Variants in ILDR1 observed in about 807,000 individuals in gnomAD.
ILDR1 encodes immunoglobulin-like domain-containing receptor 1.
Under a neutral mutation model 62.4 loss-of-function variants are expected in ILDR1, and 56 were observed. The observed-to-expected ratio is 0.90, with a 90% CI of 0.72 to 1.12. ILDR1 has a LOEUF of 1.12. Ranked by LOEUF, ILDR1 falls within the 50% of genes most tolerant of loss-of-function variation. ILDR1 has a pLI of 0.00. For missense variants in ILDR1, 736 were observed against 710.6 expected, an observed-to-expected ratio of 1.04 and a Z score of -0.41; for synonymous variants, 284 against 277.8, an observed-to-expected ratio of 1.02 and a Z score of -0.22.
the ILDR1 span, among the ~76,000 whole-genome samples, chr3:122,052,483 G>A: frequency 6.6e-6 from 1 of 152,190 alleles, no homozygotes; most frequent in African/African-American, 2.4e-5. Flanking sequence ...CAGGCATCTA[G>A]AGTATGGTGG....
At chr3:122,026,944 A>G (rs952992073), upstream of ILDR1, among the ~76,000 whole-genome samples, 8 of 152,220 alleles carry the variant, frequency 5.3e-5, no homozygotes, top group South Asian at 2.1e-4. Context: ...AGGACTAACA[A>G]GAGAGGTTGC....
chr3:122,025,019 A>G (rs554819690), upstream of ILDR1, among the ~76,000 whole-genome samples: 1 of 152,354 alleles, frequency 6.6e-6, no homozygotes, highest in East Asian at 1.9e-4. Flanking sequence ...CATTCGTCCA[A>G]TAAAGATTAG....
At chr3:122,014,684 G>T (rs1185099259) in intron 1 of ILDR1, among the ~76,000 whole-genome samples, 3 of 152,168 alleles carry the variant, frequency 2.0e-5, no homozygotes, top group African/African-American at 7.2e-5. Flanking sequence ...CTTCAGGAAA[G>T]AAATGTATAT....
intron 5 of ILDR1, among the ~76,000 whole-genome samples, chr3:121,999,491 A>G (rs1349859914): frequency 2.6e-5 from 4 of 152,212 alleles, no homozygotes; most frequent in African/African-American, 9.7e-5. Context: ...TTTTTAGGGC[A>G]TAATTCTGTT....
chr3:121,994,184 C>T lies in ILDR1; in HGVS notation c.776G>A (p.Arg259Gln), dbSNP rs1322210462. The change falls in exon 6 of 8, where the codon CGA (arginine) becomes CAA (glutamine). Residue 259 changes from arginine (R) to glutamine (Q), a missense_variant and splice_region_variant. Coordinates refer to ENST00000344209, the MANE Select transcript of ILDR1 (RefSeq NM_001199799.2). ...CCCAAATCTCTGGAAGAGTTTACCT[C>T]GCTGCAGCAGCGGGTGCATTGGATA... The part of the protein sequence containing the change: ...SSYPMHPLLQ[R>Q]DLSLPSSLPQ... 10 of 1,535,988 alleles carry T rather than the reference C, an allele frequency of 6.5e-6. No homozygotes were observed. Among genetic ancestry groups the T allele is most frequent in the African/African-American group, 1.4e-5 (1 of 73,050 alleles).
upstream of ILDR1, among the ~76,000 whole-genome samples, chr3:122,026,381 C>G (rs1335551920): frequency 6.6e-6 from 1 of 152,084 alleles, no homozygotes; most frequent in Non-Finnish European, 1.5e-5. Context: ...AATATTTTGA[C>G]AGTTATGTAG....
chr3:122,006,856 A>G lies in ILDR1; in HGVS notation c.229+135T>C, dbSNP rs11924058. Reference sequence around the variant, plus strand: ...CGTTTGTTTATCTATAAAACAGAGGAACTACATTAGGTGATCTTTGTGTCT... The same window carrying G: ...CGTTTGTTTATCTATAAAACAGAGGGACTACATTAGGTGATCTTTGTGTCT... On this transcript the variant is annotated intron_variant, in intron 2 of 7. Coordinates refer to ENST00000344209, the MANE Select transcript of ILDR1 (RefSeq NM_001199799.2). 0.63 allele frequency: 539,585 copies of G among 859,444 alleles called. 175,575 individuals carry two copies. The highest frequency in any genetic ancestry group is 0.9 in the East Asian group (33,938 of 37,564). The allele number at this position is 859,444 out of a possible 1,614,324, so 53.2% of individuals were successfully genotyped here.
chr3:122,007,363 A>G (rs1196444601), intron 1 of ILDR1: 6 of 1,127,956 alleles, frequency 5.3e-6, no homozygotes, highest in Non-Finnish European at 6.3e-6. Flanking sequence ...TCAGAGGGAC[A>G]TAGGAAGAAA....
At chr3:122,008,236 G>A (rs2107666794) in intron 1 of ILDR1, among the ~76,000 whole-genome samples, 1 of 152,312 alleles carries the variant, frequency 6.6e-6, no homozygotes, top group South Asian at 2.1e-4. Context: ...TTTAAAAAAT[G>A]TCCTCTCCCT....
chr3:122,051,545 C>T, the ILDR1 span, among the ~76,000 whole-genome samples: 18 of 152,210 alleles, frequency 1.2e-4, no homozygotes, highest in African/African-American at 4.1e-4. Flanking sequence ...TTCCTGAACT[C>T]ATTGAGCATC....
the ILDR1 span, among the ~76,000 whole-genome samples, chr3:122,047,359 C>T: frequency 6.6e-6 from 1 of 152,248 alleles, no homozygotes. Context: ...GCAGAGGTTA[C>T]TGCTGTCTTT....
chr3:121,988,798 T>A (rs530487121), intron 7 of ILDR1, among the ~76,000 whole-genome samples: 2 of 152,246 alleles, frequency 1.3e-5, no homozygotes, highest in East Asian at 3.8e-4. Context: ...TTTTTCCTTT[T>A]TATAATCTCC....
the ILDR1 span, among the ~76,000 whole-genome samples, chr3:122,034,470 A>G: frequency 1.3e-5 from 2 of 152,206 alleles, no homozygotes; most frequent in African/African-American, 4.8e-5. Flanking sequence ...AAGCTCATAT[A>G]CAGAAAAACA....
chr3:122,023,563 A>C (rs925377102), upstream of ILDR1, among the ~76,000 whole-genome samples: 1 of 151,864 alleles, frequency 6.6e-6, no homozygotes, highest in African/African-American at 2.4e-5. Flanking sequence ...GATATCTTTC[A>C]TTTCGCCTCT....
chr3:122,012,684 A>C lies in ILDR1; in HGVS notation c.59-5523T>G, dbSNP rs75471926. Among the ~76,000 whole-genome samples, 1,158 of 152,310 alleles carry C rather than the reference A, an allele frequency of 7.6e-3. 15 individuals carry two copies. The highest frequency in any genetic ancestry group is 0.026 in the African/African-American group (1,096 of 41,556). On this transcript the variant is annotated intron_variant, in intron 1 of 7. Coordinates refer to ENST00000344209, the MANE Select transcript of ILDR1 (RefSeq NM_001199799.2). The stretch of plus-strand genomic sequence containing the variant: ...TGGTGAGCATAAAAAAATGTCCCCC[A>C]TTTAGCAAAGAGCCTGGCACATATA...
chr3:122,005,468 GGGC>G, intron 2 of ILDR1, 75 bp from the exon 3 acceptor site: 2 of 1,536,502 alleles, frequency 1.3e-6, no homozygotes, highest in East Asian at 4.5e-5. Context: ...TTCCTGCTCC[GGGC>G]GTGAGACACA....
At chr3:122,021,931 C>T in intron 1 of ILDR1, 89 bp downstream of exon 1, 1 of 1,327,686 alleles carries the variant, frequency 7.5e-7, no homozygotes, top group East Asian at 2.5e-5. Flanking sequence ...GCCTCCACTG[C>T]CCTGCCCGCG....
Position 121,988,138 on chromosome 3 carries a change from C to G in ILDR1, c.*229G>C, listed in dbSNP as rs2071278999. On this transcript the variant is annotated 3_prime_UTR_variant, in exon 8 of 8. Coordinates refer to ENST00000344209, the MANE Select transcript of ILDR1 (RefSeq NM_001199799.2). ...ATGTTTCCCAGGCTGATCTTGAACT[C>G]CTAGTCTCAAGTGATTCTTAGCCTC... 11 of 624,056 alleles carry G rather than the reference C, an allele frequency of 1.8e-5. No homozygotes were observed. Among genetic ancestry groups the G allele is most frequent in the Admixed American group, 1.5e-4 (7 of 47,410 alleles). The allele number at this position is 624,056 out of a possible 1,614,324, so 38.7% of individuals were successfully genotyped here. A position where few individuals can be genotyped will look rare whatever the true frequency, so the allele number is the denominator to read the frequency against.
chr3:122,042,167 T>C, the ILDR1 span, among the ~76,000 whole-genome samples: 5 of 91,460 alleles, frequency 5.5e-5, no homozygotes, highest in Admixed American at 3.8e-4. Context: ...ATATGCGGTG[T>C]TTGGTTTTTT....
Sources: gnomAD v4.1 joint callset for allele counts (sites outside exome capture counted in the v4.1 genomes callset) on GRCh38, gnomAD v4.1.1 for gene constraint, MANE v1.5 for transcripts, NCBI Gene and HGNC (gene_info 2026-07-23, HGNC 2026-07-21) for gene names.